CPNE4: variants seen among roughly 807,000 people sequenced by gnomAD.
The protein encoded by CPNE4 is copine 4.
In CPNE4, 25 loss-of-function variants were observed where a neutral mutation model predicts 67.9. That is an observed-to-expected ratio of 0.37 (90% confidence interval 0.27 to 0.51). The LOEUF (loss-of-function observed/expected upper bound fraction) is 0.51, where lower values mean the gene tolerates loss of function less well. Ranked by LOEUF, CPNE4 falls within the 20% of genes least tolerant of loss-of-function variation. The probability of loss-of-function intolerance (pLI) is 0.93; values close to 1 mark genes in which losing one functional copy is unlikely to be tolerated. For missense variants in CPNE4, 464 were observed against 690.8 expected, an observed-to-expected ratio of 0.67 and a Z score of 3.68; for synonymous variants, 242 against 244.9, an observed-to-expected ratio of 0.99 and a Z score of 0.11.
chr3:131,981,077 G>T (rs1426363090), intron 1 of CPNE4, among the ~76,000 whole-genome samples: 1 of 152,166 alleles, frequency 6.6e-6, no homozygotes. Context: ...GGATACCAGA[G>T]CCTGTTCCAG....
intron 1 of CPNE4, among the ~76,000 whole-genome samples, chr3:132,022,924 C>A (rs1265619187): frequency 6.6e-6 from 1 of 152,170 alleles, no homozygotes; most frequent in Non-Finnish European, 1.5e-5. Context: ...AATCTGAGTT[C>A]ATTGATCACC....
At chr3:131,844,904 C>T (rs542960922) in intron 2 of CPNE4, among the ~76,000 whole-genome samples, 8 of 152,296 alleles carry the variant, frequency 5.3e-5, no homozygotes, top group East Asian at 3.9e-4. Context: ...ATGTACACTA[C>T]GCAAGATAAT....
chr3:131,843,797 C>T (rs946747809), intron 2 of CPNE4, among the ~76,000 whole-genome samples: 10 of 152,132 alleles, frequency 6.6e-5, no homozygotes, highest in African/African-American at 2.2e-4. Context: ...ACTCTAGGGG[C>T]CTTGTCCCCT....
intron 7 of CPNE4, among the ~76,000 whole-genome samples, chr3:131,612,186 C>T (rs1582890451): frequency 6.6e-6 from 1 of 152,044 alleles, no homozygotes; most frequent in East Asian, 1.9e-4. Flanking sequence ...CCAGCCTGGC[C>T]AACATGGTGA....
At chr3:131,985,484 T>C (rs2073019886) in intron 1 of CPNE4, among the ~76,000 whole-genome samples, 1 of 152,290 alleles carries the variant, frequency 6.6e-6, no homozygotes, top group Non-Finnish European at 1.5e-5. Context: ...TTAATACCCA[T>C]TTTAAAGATG....
chr3:131,858,759 A>T (rs892169808), intron 2 of CPNE4, among the ~76,000 whole-genome samples: 1 of 152,176 alleles, frequency 6.6e-6, no homozygotes, highest in African/African-American at 2.4e-5. Context: ...AAACACACCT[A>T]GGAGTTGTGG....
At chr3:131,931,533 G>A (rs1465449216) in intron 1 of CPNE4, among the ~76,000 whole-genome samples, 1 of 151,984 alleles carries the variant, frequency 6.6e-6, no homozygotes, top group Non-Finnish European at 1.5e-5. Flanking sequence ...GTGGACCAAG[G>A]AAAGTTGTGC....
chr3:131,955,608 G>C (rs1182252324), intron 1 of CPNE4, among the ~76,000 whole-genome samples: 1 of 151,726 alleles, frequency 6.6e-6, no homozygotes, highest in Non-Finnish European at 1.5e-5. Context: ...GATCTCTGTG[G>C]AATAAAATTT....
chr3:131,832,979 G>A (rs1441924515), intron 2 of CPNE4, among the ~76,000 whole-genome samples: 1 of 152,162 alleles, frequency 6.6e-6, no homozygotes, highest in East Asian at 1.9e-4. Flanking sequence ...ATTAGGAAGT[G>A]AGGCCATTGG....
rs189354670 is a variant in CPNE4, at chr3:131,541,884, T to C, written c.1539+673A>G. Among the ~76,000 whole-genome samples the C allele has an allele frequency of 2.8e-3, 433 of 152,270 alleles. 1 individual carries two copies. Among genetic ancestry groups the C allele is most frequent in the African/African-American group, 9.9e-3 (411 of 41,540 alleles). ...TGGAGTTTTACCATGTTGGTCAGGCTGGTCTCAAACTCCTGACCTCAGGCG... is the reference window on the plus strand; with the variant it reads ...TGGAGTTTTACCATGTTGGTCAGGCCGGTCTCAAACTCCTGACCTCAGGCG... On this transcript the variant is annotated intron_variant, in intron 15 of 15. Coordinates refer to ENST00000429747, the MANE Select transcript of CPNE4 (RefSeq NM_130808.3).
chr3:131,649,446 G>A (rs983975715), intron 7 of CPNE4, among the ~76,000 whole-genome samples: 9 of 152,132 alleles, frequency 5.9e-5, no homozygotes, highest in East Asian at 5.8e-4. Flanking sequence ...AGGGGAGGGC[G>A]GCCATGTGGA....
chr3:131,867,053 T>G (rs1383694575), intron 2 of CPNE4, among the ~76,000 whole-genome samples: 2 of 152,150 alleles, frequency 1.3e-5, no homozygotes, highest in Non-Finnish European at 2.9e-5. Context: ...CAACTACTAG[T>G]GAGCAGCAGT....
At chr3:131,930,107 C>A (rs1275472795) in intron 1 of CPNE4, among the ~76,000 whole-genome samples, 1 of 152,150 alleles carries the variant, frequency 6.6e-6, no homozygotes, top group Non-Finnish European at 1.5e-5. Context: ...AGTATTGGCA[C>A]TTTCCAATGG....
At position 131,976,967 on chromosome 3, in the gene CPNE4, A is replaced by C. The variant is rs540911840; in HGVS notation, c.-2+57600T>G. Among the ~76,000 whole-genome samples the C allele has an allele frequency of 5.9e-5, 9 of 152,040 alleles. No individual in the cohort carries two copies. The South Asian group carries it at 1.9e-3, about 32-fold the overall frequency. On this transcript the variant is annotated intron_variant, in intron 1 of 15. Transcript: ENST00000429747. ...CAGGCACACACCACCATGTCCGGCT[A>C]ATTTTTGTATTTTTAGTAGAGATGG... is the stretch of plus-strand genomic sequence containing the variant.
chr3:132,008,772 T>C (rs1256453151), intron 1 of CPNE4, among the ~76,000 whole-genome samples: 1 of 152,080 alleles, frequency 6.6e-6, no homozygotes, highest in Non-Finnish European at 1.5e-5. Context: ...CTTAAAAAAA[T>C]CCCATAAAAA....
chr3:131,726,011 T>C (rs887975545), intron 2 of CPNE4, among the ~76,000 whole-genome samples: 1 of 152,246 alleles, frequency 6.6e-6, no homozygotes, highest in African/African-American at 2.4e-5. Context: ...ATATTTATAT[T>C]GTATCTTTTG....
chr3:131,559,196 G>A lies in CPNE4; in HGVS notation c.1062-3645C>T, dbSNP rs114714526. ...CAGCTGGTAGTTCATTGAAGAAAAC[G>A]TTTTGATGATTGGCCATTATGTAAT... On this transcript the variant is annotated intron_variant, in intron 11 of 15. Transcript: ENST00000429747. Among the ~76,000 whole-genome samples, 1,025 of 152,080 alleles carry A rather than the reference G, an allele frequency of 6.7e-3. 13 individuals carry two copies. Among genetic ancestry groups the A allele is most frequent in the African/African-American group, 0.023 (968 of 41,534 alleles).
At chr3:131,743,880 G>A (rs932053219) in intron 2 of CPNE4, among the ~76,000 whole-genome samples, 1 of 139,282 alleles carries the variant, frequency 7.2e-6, no homozygotes, top group South Asian at 2.3e-4. Context: ...GGAGAATGGC[G>A]TGAACCCGGG....
At chr3:131,924,234 A>G (rs535686326) in intron 1 of CPNE4, among the ~76,000 whole-genome samples, 1 of 152,210 alleles carries the variant, frequency 6.6e-6, no homozygotes, top group African/African-American at 2.4e-5. Flanking sequence ...CCTTCCCTGG[A>G]TAGGTATTCA....
Sources: allele counts gnomAD v4.1 joint callset (sites outside exome capture counted in the v4.1 genomes callset), GRCh38; gene constraint gnomAD v4.1.1; transcripts MANE v1.5; gene names NCBI Gene and HGNC (gene_info 2026-07-23, HGNC 2026-07-21).